The following ZSWIM8 variants were observed in gnomAD, a reference collection of about 807,000 sequenced individuals.
ZSWIM8 encodes zinc finger SWIM-type containing 8, also known as zinc finger SWIM domain-containing protein 8.
Under a neutral mutation model 173.7 loss-of-function variants are expected in ZSWIM8, and 27 were observed. That is an observed-to-expected ratio of 0.16 (90% CI 0.11 to 0.21). ZSWIM8 has a LOEUF of 0.21. Among genes scored for constraint, ZSWIM8 ranks in the 10% least tolerant of loss-of-function variants. ZSWIM8 has a pLI of 1.00. For missense variants in ZSWIM8, 1,627 were observed against 2,428.8 expected, an observed-to-expected ratio of 0.67 and a Z score of 6.94; for synonymous variants, 958 against 962.0, an observed-to-expected ratio of 1.00 and a Z score of 0.08.
intron 1 of ZSWIM8, among the ~76,000 whole-genome samples, chr10:73,787,419 T>C (rs954071307): frequency 2.6e-5 from 4 of 152,214 alleles, no homozygotes; most frequent in Non-Finnish European, 5.9e-5. Flanking sequence ...TGGGGCTTAG[T>C]GCTCCCTCAC....
rs1422119229 is a variant in ZSWIM8 at position 73,796,789 on chromosome 10, T to G, written c.3049T>G (p.Leu1017Val). 1 of 1,613,610 alleles carries G rather than the reference T, an allele frequency of 6.2e-7. No individual in the cohort carries two copies. The change falls in exon 16 of 26, where the codon TTG becomes GTG. Residue 1017 changes from leucine (L) to valine (V), a missense_variant. By Grantham distance (32) the Leu-to-Val change is conservative (BLOSUM62 1). Coordinates refer to ENST00000604729, the MANE Select transcript of ZSWIM8 (RefSeq NM_001367799.1). ...AKLKKILDKL[L>V]DRESQTHKPQ... ...TGTCTTCCAGATCTTAGACAAACTC[T>G]TGGACCGAGAGAGCCAGACACATAA...
chr10:73,790,164 A>G lies in ZSWIM8; in HGVS notation c.821-8A>G. On this transcript the variant is annotated splice_region_variant and splice_polypyrimidine_tract_variant and intron_variant, in intron 6 of 25. Transcript: ENST00000604729. ...ATCTCTAGATGACTGACTGCCTGTC[A>G]TCCTCAGACCCCACAGCAGGGCCCT... 1 of 1,611,514 alleles carries G rather than the reference A, an allele frequency of 6.2e-7. No individual in the cohort carries two copies. The highest frequency in any genetic ancestry group is 8.5e-7 in the Non-Finnish European group (1 of 1,178,454).
rs772835625 is a variant in ZSWIM8 at position 73,800,689 on chromosome 10, C to T, written c.5052C>T (p.Pro1684=). Residue 1684 remains proline (P), a synonymous_variant, in exon 24 of 26, where the codon CCC becomes CCT. Transcript: ENST00000604729. The surrounding 1 kb of genome is among the most constrained non-coding windows in gnomAD (Gnocchi z 4.1). The part of the protein sequence containing the change: ...MLGRRAHNDH[P]NNFSRSPPYT... ...GTCGCCGGGCACACAACGATCACCCCAACAACTTCTCCCGCTCCCCCCCCT... is the reference window on the plus strand; with the variant it reads ...GTCGCCGGGCACACAACGATCACCCTAACAACTTCTCCCGCTCCCCCCCCT... 5.6e-6 allele frequency: 9 copies of T among 1,613,684 alleles called. No individual in the cohort carries two copies. Among genetic ancestry groups the T allele is most frequent in the African/African-American group, 1.3e-5 (1 of 74,864 alleles).
At chr10:73,799,519 G>C (rs2083820753) in intron 21 of ZSWIM8, 29 bp downstream of exon 21, 1 of 1,586,280 alleles carries the variant, frequency 6.3e-7, no homozygotes, top group African/African-American at 1.3e-5. Context: ...TGGGGGGTAA[G>C]GCATGGGAAA....
At chr10:73,798,909 A>G in intron 20 of ZSWIM8, 93 bp from the exon 21 acceptor site, 2 of 1,495,506 alleles carry the variant, frequency 1.3e-6, no homozygotes, top group East Asian at 4.6e-5. Context: ...CCTGGGAATG[A>G]GACAGCTCTG....
chr10:73,797,464 C>G lies in ZSWIM8; in HGVS notation c.3521C>G (p.Ala1174Gly), dbSNP rs933050583. 1.2e-6 allele frequency: 2 copies of G among 1,613,956 alleles called. No homozygotes were observed. Among genetic ancestry groups the G allele is most frequent in the Non-Finnish European group, 1.7e-6 (2 of 1,179,866 alleles). The change falls in exon 18 of 26, where the codon GCC (alanine) becomes GGC (glycine). Residue 1174 changes from alanine (A) to glycine (G), a missense_variant. This residue lies in a region of ZSWIM8 where 72 missense variants were observed against 98.4 expected (regional missense o/e 0.73). Transcript: ENST00000604729. This position sits in a 1 kb window ranked among gnomAD's most constrained non-coding sequence, Gnocchi z 5.6. ...CGGAGACCACTTCGAGGGGGCTGGGCCCCCACCTCCTGGGGTCGAGGTCAG... is the reference window on the plus strand; with the variant it reads ...CGGAGACCACTTCGAGGGGGCTGGGGCCCCACCTCCTGGGGTCGAGGTCAG... Reference protein sequence around the residue: ...LSRRPLRGGWAPTSWGRGQDS... With the variant: ...LSRRPLRGGWGPTSWGRGQDS...
intron 1 of ZSWIM8, among the ~76,000 whole-genome samples, chr10:73,787,377 G>C (rs536207979): frequency 6.6e-6 from 1 of 152,282 alleles, no homozygotes; most frequent in African/African-American, 2.4e-5. Flanking sequence ...TGGCCTTCTG[G>C]CTTCTTTCAT....
chr10:73,792,538 T>C lies in ZSWIM8; in HGVS notation c.1999T>C (p.Tyr667His), dbSNP rs1304096747. Residue 667 changes from tyrosine (Y) to histidine (H), a missense_variant, in exon 10 of 26, where the codon TAT (tyrosine) becomes CAT (histidine). Transcript: ENST00000604729. This position sits in a 1 kb window ranked among gnomAD's most constrained non-coding sequence, Gnocchi z 4.3. ...STFLPEPPDT[Y>H]EEDGGVYFSE... ...TTTCCTTCCTGAGCCCCCAGATACT[T>C]ATGAAGAAGATGGTGGTGTGTACTT... The C allele has an allele frequency of 1.2e-6, 2 of 1,613,936 alleles. No homozygotes were observed. The highest frequency in any genetic ancestry group is 1.1e-5 in the South Asian group (1 of 91,082).
chr10:73,801,147 C>A lies in ZSWIM8; in HGVS notation c.5253C>A (p.Ala1751=). 2 of 1,593,824 alleles carry A rather than the reference C, an allele frequency of 1.3e-6. No individual in the cohort carries two copies. Among genetic ancestry groups the A allele is most frequent in the East Asian group, 2.3e-5 (1 of 43,614 alleles). Reference sequence around the variant, plus strand: ...CTCATGCCCACAACCACCTGCGTGCCCCGGCCTTCCACCAACTGGTGCAGC... The same window carrying A: ...CTCATGCCCACAACCACCTGCGTGCACCGGCCTTCCACCAACTGGTGCAGC... The part of the protein sequence containing the change: ...SPAHAHNHLR[A]PAFHQLVQRC... Residue 1751 remains alanine, a synonymous_variant, in exon 25 of 26, where the codon GCC becomes GCA. Transcript: ENST00000604729. The surrounding 1 kb of genome is among the most constrained non-coding windows in gnomAD (Gnocchi z 4.9).
rs771121463 is a variant in ZSWIM8, at chr10:73,792,306, T to G, written c.1767T>G (p.Gly589=). 6 of 1,612,140 alleles carry G rather than the reference T, an allele frequency of 3.7e-6. No individual in the cohort carries two copies. The East Asian group carries it at 1.3e-4, about 36-fold the overall frequency. The change falls in exon 10 of 26, where the codon GGT becomes GGG. Residue 589 remains glycine, a synonymous_variant. Transcript: ENST00000604729. This position sits in a 1 kb window ranked among gnomAD's most constrained non-coding sequence, Gnocchi z 4.3. ...GTGGGGGCAAAGCCAAGGCACTGGG[T>G]GGGGCTGGCAGTGGGAGCAAGGGCT... ...GPGGGKAKAL[G]GAGSGSKGSA...
rs958566771 is a variant in ZSWIM8 at position 73,792,221 on chromosome 10, G to A, written c.1682G>A (p.Arg561Gln). 1.5e-5 allele frequency: 24 copies of A among 1,552,804 alleles called. No homozygotes were observed. Among genetic ancestry groups the A allele is most frequent in the East Asian group, 1.4e-4 (6 of 44,376 alleles). ...GLGEGVPSSQ[R>Q]GPRRLSAEGG... ...GGTGAGGGGGTCCCCTCATCACAGC[G>A]GGGTCCCCGCCGCCTCTCAGCTGAA... Residue 561 changes from arginine to glutamine, a missense_variant, in exon 10 of 26, where the codon CGG becomes CAG. Arg to Gln is a conservative substitution (Grantham distance 43). This residue lies in a region of ZSWIM8 where 383 missense variants were observed against 394.8 expected (regional missense o/e 0.97). Transcript: ENST00000604729. The surrounding 1 kb of genome is among the most constrained non-coding windows in gnomAD (Gnocchi z 4.3).
In ZSWIM8 at chr10:73,800,087, C is replaced by G. The variant is rs770880435; in HGVS notation, c.4742C>G (p.Ser1581Cys). Residue 1581 changes from serine (S) to cysteine (C), a missense_variant, in exon 22 of 26, where the codon TCT (serine) becomes TGT (cysteine). Ser to Cys is a moderately radical substitution (Grantham distance 112). This residue lies in a region of ZSWIM8 where 275 missense variants were observed against 290.1 expected (regional missense o/e 0.95). Transcript: ENST00000604729. This position sits in a 1 kb window ranked among gnomAD's most constrained non-coding sequence, Gnocchi z 4.1. ...CCCTCACTTGCTGCCACTGCTGTGTCTTTCCCCGTTCCTTCCATGGCACCC... is the reference window on the plus strand; with the variant it reads ...CCCTCACTTGCTGCCACTGCTGTGTGTTTCCCCGTTCCTTCCATGGCACCC... ...TPPSLAATAVSFPVPSMAPIT... is the reference protein window; with the variant it reads ...TPPSLAATAVCFPVPSMAPIT... 8 of 1,613,918 alleles carry G rather than the reference C, an allele frequency of 5.0e-6. No homozygotes were observed. In the South Asian group the frequency reaches 8.8e-5, roughly 18 times the overall value.
At chr10:73,793,513 C>T in intron 10 of ZSWIM8, 75 bp from the exon 11 acceptor site, 1 of 1,492,036 alleles carries the variant, frequency 6.7e-7, no homozygotes, top group Non-Finnish European at 9.0e-7. Context: ...GGAATGTTGG[C>T]TGCATGAGTG....
chr10:73,786,112 A>G (rs1432276690), intron 1 of ZSWIM8, 26 bp downstream of exon 1: 1 of 1,526,602 alleles, frequency 6.6e-7, no homozygotes, highest in African/African-American at 1.4e-5. Flanking sequence ...GGGGAAGAGG[A>G]GCGGCAGGCC....
In ZSWIM8 at chr10:73,795,408, T is replaced by C. The variant is rs1054560279; in HGVS notation, c.2909-131T>C. 5.0e-6 allele frequency: 7 copies of C among 1,391,298 alleles called. 1 individual carries two copies. Among genetic ancestry groups the C allele is most frequent in the Middle Eastern group, 3.8e-4 (2 of 5,224 alleles). The allele number at this position is 1,391,298 out of a possible 1,614,324, so 86.2% of individuals were successfully genotyped here. A position where few individuals can be genotyped will look rare whatever the true frequency, so the allele number is the denominator to read the frequency against. On this transcript the variant is annotated intron_variant, in intron 14 of 25. Transcript: ENST00000604729. ...ATATAATAGTCAACGAAGACTTCTATAGGTGATGTGGGTTGGACCAAGGGA... is the reference window on the plus strand; with the variant it reads ...ATATAATAGTCAACGAAGACTTCTACAGGTGATGTGGGTTGGACCAAGGGA...
At position 73,801,571 on chromosome 10, in the gene ZSWIM8, G is replaced by A. The variant is rs753368394; in HGVS notation, c.*52G>A. 2.5e-6 allele frequency: 4 copies of A among 1,594,910 alleles called. No individual in the cohort carries two copies. The African/African-American group carries it at 4.0e-5, about 16-fold the overall frequency. Reference sequence around the variant, plus strand: ...GGGACCCAGGCCTGTGGCTATGGGGGCCCCTCACACAGGGGGAGTGAAACT... The same window carrying A: ...GGGACCCAGGCCTGTGGCTATGGGGACCCCTCACACAGGGGGAGTGAAACT... On this transcript the variant is annotated 3_prime_UTR_variant, in exon 26 of 26. Transcript: ENST00000604729. The surrounding 1 kb of genome is among the most constrained non-coding windows in gnomAD (Gnocchi z 4.9).
rs2083459558 is a variant in ZSWIM8 at position 73,792,632 on chromosome 10, C to T, written c.2093C>T (p.Thr698Ile). The T allele has an allele frequency of 1.7e-5, 28 of 1,614,020 alleles. No individual in the cohort carries two copies. Among genetic ancestry groups the T allele is most frequent in the Non-Finnish European group, 2.0e-5 (24 of 1,179,876 alleles). Residue 698 changes from threonine to isoleucine, a missense_variant, in exon 10 of 26, where the codon ACC (threonine) becomes ATC (isoleucine). By Grantham distance (89) the Thr-to-Ile change is moderately conservative. This residue lies in a region of ZSWIM8 where 383 missense variants were observed against 394.8 expected (regional missense o/e 0.97). Coordinates refer to ENST00000604729, the MANE Select transcript of ZSWIM8 (RefSeq NM_001367799.1). This position sits in a 1 kb window ranked among gnomAD's most constrained non-coding sequence, Gnocchi z 4.3. ...PPGLLPGDVC[T>I]QDDLPSTDES... ...GGCCTACTGCCTGGGGATGTCTGTA[C>T]CCAGGACGACCTCCCTTCTACAGAT...
At position 73,799,509 on chromosome 10, in the gene ZSWIM8, TG is replaced by T. The variant is rs762465118; in HGVS notation, c.4665+25del. The T allele has an allele frequency of 3.8e-6, 6 of 1,591,254 alleles. No individual in the cohort carries two copies. Among genetic ancestry groups the T allele is most frequent in the African/African-American group, 1.3e-5 (1 of 74,630 alleles). On this transcript the variant is annotated intron_variant, in intron 21 of 25. Transcript: ENST00000604729. ...CCCACAGGTGAGACCAGTGTTCTGC[TG>T]GGGGGTAAGGCATGGGAAAATACTG...
Position 73,793,913 on chromosome 10 carries a change from A to G in ZSWIM8, c.2494A>G (p.Asn832Asp). The G allele has an allele frequency of 6.2e-7, 1 of 1,613,380 alleles. No homozygotes were observed. Among genetic ancestry groups the G allele is most frequent in the Non-Finnish European group, 8.5e-7 (1 of 1,179,720 alleles). ...STSRQTWVAT[N>D]TLSKAAFLLT... ...GAGCCGTCAGACCTGGGTGGCTACC[A>G]ACACCCTGAGCAAGGCGGCCTTCCT... is the stretch of plus-strand genomic sequence containing the variant. The change falls in exon 12 of 26, where the codon AAC (asparagine) becomes GAC (aspartate). Residue 832 changes from asparagine to aspartate, a missense_variant. This residue lies in a region of ZSWIM8 where 169 missense variants were observed against 235.3 expected (regional missense o/e 0.72). Coordinates refer to ENST00000604729, the MANE Select transcript of ZSWIM8 (RefSeq NM_001367799.1).
Sources: allele counts gnomAD v4.1 joint callset (sites outside exome capture counted in the v4.1 genomes callset), GRCh38; gene constraint gnomAD v4.1.1; regional missense constraint gnomAD v4.1.1; non-coding constraint Gnocchi (gnomAD v3.1); transcripts MANE v1.5; gene names NCBI Gene and HGNC (gene_info 2026-07-23, HGNC 2026-07-21).